The following SNX29 variants were observed in gnomAD, a reference collection of about 807,000 sequenced individuals.
SNX29 encodes sorting nexin-29.
A neutral mutation model predicts 102.1 loss-of-function variants in SNX29; 78 were observed. The ratio of observed to expected loss-of-function variants is 0.76; its 90% CI spans 0.64 to 0.92. The LOEUF (loss-of-function observed/expected upper bound fraction) is 0.92, where lower values mean the gene tolerates loss of function less well. Ranked by LOEUF, SNX29 falls within the 40% of genes least tolerant of loss-of-function variation. The probability of loss-of-function intolerance (pLI) is 0.00; values close to 1 mark genes in which losing one functional copy is unlikely to be tolerated. For missense variants in SNX29, 1,280 were observed against 1,061.7 expected (o/e 1.21, Z -2.86); for synonymous variants, 580 against 414.5 (o/e 1.40, Z -4.85).
At chr16:12,508,842 G>T (rs1184976316) in intron 19 of SNX29, among the ~76,000 whole-genome samples, 2 of 152,158 alleles carry the variant, frequency 1.3e-5, no homozygotes, top group Admixed American at 1.3e-4. Context: ...CCCTGAGGGA[G>T]CTTTCTTGGG....
At chr16:12,108,627 G>A in intron 11 of SNX29, among the ~76,000 whole-genome samples, 1 of 152,156 alleles carries the variant, frequency 6.6e-6, no homozygotes, top group East Asian at 1.9e-4. Flanking sequence ...AGCCCTGTGA[G>A]TTGAGTGATC....
rs555358848 is a variant in SNX29, at chr16:12,152,271, T to C, written c.1595+22513T>C. Among the ~76,000 whole-genome samples the C allele has an allele frequency of 4.1e-4, 62 of 152,174 alleles. No individual in the cohort carries two copies. In the Middle Eastern group the frequency reaches 0.01, roughly 25 times the overall value. ...ACATGAAAAGATTCACATCGTAGAATCTTTGGTTTCTGTGATACTTTTCTG... is the reference window on the plus strand; with the variant it reads ...ACATGAAAAGATTCACATCGTAGAACCTTTGGTTTCTGTGATACTTTTCTG... On this transcript the variant is annotated intron_variant, in intron 13 of 20. Transcript: ENST00000566228.
chr16:12,495,333 G>A (rs1297284275), intron 19 of SNX29, among the ~76,000 whole-genome samples: 4 of 151,896 alleles, frequency 2.6e-5, no homozygotes, highest in Non-Finnish European at 4.4e-5. Flanking sequence ...TGTATTTTTA[G>A]TAGAGACAGG....
chr16:12,013,488 G>GGAAA (rs781538940), intron 3 of SNX29, among the ~76,000 whole-genome samples: 4 of 12,978 alleles, frequency 3.1e-4, no homozygotes, highest in African/African-American at 7.7e-4. Context: ...TCTACTGGGG[G>GGAAA]AAAAAAAAAA....
chr16:12,124,096 G>A (rs3862466), intron 11 of SNX29, among the ~76,000 whole-genome samples: 35,064 of 152,068 alleles, frequency 0.23, 4,105 homozygotes, highest in Middle Eastern at 0.31. Flanking sequence ...GGGGGCTCAC[G>A]CCTGTAATCC....
chr16:12,334,641 G>T (rs1490937542), intron 15 of SNX29, among the ~76,000 whole-genome samples: 1 of 152,120 alleles, frequency 6.6e-6, no homozygotes, highest in African/African-American at 2.4e-5. Flanking sequence ...TTTTAGGATT[G>T]AATTTATTGA....
intron 20 of SNX29, among the ~76,000 whole-genome samples, chr16:12,560,119 T>TA (rs1261643427): frequency 1.3e-5 from 2 of 150,690 alleles, no homozygotes; most frequent in Non-Finnish European, 2.9e-5. Flanking sequence ...CAAGCTATTC[T>TA]AGTTCTGTGT....
intron 15 of SNX29, among the ~76,000 whole-genome samples, chr16:12,346,351 C>A (rs533496213): frequency 1.3e-5 from 2 of 152,080 alleles, no homozygotes; most frequent in Non-Finnish European, 2.9e-5. Context: ...CTTTACGTAA[C>A]CCTAAGTAAA....
At chr16:12,128,045 A>G (rs1237021709) in intron 12 of SNX29, among the ~76,000 whole-genome samples, 3 of 152,164 alleles carry the variant, frequency 2.0e-5, no homozygotes, top group Non-Finnish European at 4.4e-5. Context: ...GTCCTGCTTG[A>G]CAAGCTTCTC....
At chr16:11,980,284 C>G (rs1046385777) in intron 1 of SNX29, among the ~76,000 whole-genome samples, 8 of 152,212 alleles carry the variant, frequency 5.3e-5, no homozygotes, top group Admixed American at 5.2e-4. Context: ...TCTTATCTGG[C>G]TTTTTTCACT....
At chr16:12,277,729 C>T (rs1274975013) in intron 14 of SNX29, among the ~76,000 whole-genome samples, 2 of 152,142 alleles carry the variant, frequency 1.3e-5, no homozygotes, top group Non-Finnish European at 2.9e-5. Flanking sequence ...CGCACACCAC[C>T]ATTCCTGGCC....
intron 13 of SNX29, among the ~76,000 whole-genome samples, chr16:12,189,198 A>G (rs1048717931): frequency 6.6e-6 from 1 of 152,222 alleles, no homozygotes; most frequent in Non-Finnish European, 1.5e-5. Flanking sequence ...CAATATAACA[A>G]TCAGAATTAG....
chr16:12,418,355 C>T (rs574606934), intron 18 of SNX29, among the ~76,000 whole-genome samples: 2 of 148,138 alleles, frequency 1.4e-5, no homozygotes, highest in South Asian at 2.1e-4. Flanking sequence ...TTCATGTTGA[C>T]GATGAGGATT....
At chr16:12,202,487 A>G (rs2076936898) in intron 14 of SNX29, among the ~76,000 whole-genome samples, 1 of 152,118 alleles carries the variant, frequency 6.6e-6, no homozygotes. Context: ...CAAATTCTTC[A>G]TGCTCTTCCT....
chr16:12,552,631 C>T lies in SNX29; in HGVS notation c.2319-15875C>T, dbSNP rs192924488. 9.2e-5 allele frequency among the ~76,000 whole-genome samples: 14 copies of T among 152,174 alleles called. No individual in the cohort carries two copies. The East Asian group carries it at 2.5e-3, about 27-fold the overall frequency. On this transcript the variant is annotated intron_variant, in intron 20 of 20. Transcript: ENST00000566228. Reference sequence around the variant, plus strand: ...GACTAAAAAAGCAAAAACCAAACACCAAACAAATGGAAGGATTGCAATGGG... The same window carrying T: ...GACTAAAAAAGCAAAAACCAAACACTAAACAAATGGAAGGATTGCAATGGG...
chr16:12,394,243 C>A (rs112889108), intron 16 of SNX29, among the ~76,000 whole-genome samples: 2,691 of 152,314 alleles, frequency 0.018, 65 homozygotes, highest in East Asian at 0.054. Flanking sequence ...GGTCCGTTTA[C>A]CAGCTAAGGC....
intron 20 of SNX29, among the ~76,000 whole-genome samples, chr16:12,542,140 C>A (rs537039843): frequency 1.3e-5 from 2 of 152,130 alleles, no homozygotes; most frequent in African/African-American, 2.4e-5. Context: ...CCAATTCAGC[C>A]CACGCTACCT....
chr16:12,032,945 C>T (rs1462811632), intron 4 of SNX29, among the ~76,000 whole-genome samples: 2 of 152,088 alleles, frequency 1.3e-5, no homozygotes, highest in Middle Eastern at 3.2e-3. Context: ...GCCTCCACCC[C>T]CCAGGTTCAA....
At chr16:12,196,274 A>C (rs1195939049) in intron 13 of SNX29, among the ~76,000 whole-genome samples, 2 of 151,974 alleles carry the variant, frequency 1.3e-5, no homozygotes, top group East Asian at 1.9e-4. Context: ...CAGTTTTTTC[A>C]TGTGTAAAAT....
Sources: gnomAD v4.1 joint callset for allele counts (sites outside exome capture counted in the v4.1 genomes callset) on GRCh38, gnomAD v4.1.1 for gene constraint, MANE v1.5 for transcripts, NCBI Gene and HGNC (gene_info 2026-07-23, HGNC 2026-07-21) for gene names.